The following VCP variants were observed in gnomAD, a reference collection of about 807,000 sequenced individuals.
VCP encodes transitional endoplasmic reticulum ATPase.
Under a neutral mutation model 85.7 loss-of-function variants are expected in VCP, and 6 were observed. The observed-to-expected ratio is 0.07, with a 90% CI of 0.04 to 0.14. VCP has a LOEUF of 0.14. Ranked by LOEUF, VCP falls within the 10% of genes least tolerant of loss-of-function variation. The probability of loss-of-function intolerance (pLI) is 1.00; values close to 1 mark genes in which losing one functional copy is unlikely to be tolerated. For synonymous variants in VCP, 384 were observed against 367.1 expected, an observed-to-expected ratio of 1.05 and a Z score of -0.53; for missense variants, 353 against 1,043.4, an observed-to-expected ratio of 0.34 and a Z score of 9.12.
At chr9:35,064,529 T>C (rs998515716) in intron 5 of VCP, among the ~76,000 whole-genome samples, 1 of 152,052 alleles carries the variant, frequency 6.6e-6, no homozygotes, top group South Asian at 2.1e-4. Context: ...TTAAATTAAA[T>C]TTAAAAAAGA....
In VCP at chr9:35,069,751, GCT is replaced by G. The variant is rs201413782; in HGVS notation, c.18-1391_18-1390del. 1.5e-3 allele frequency among the ~76,000 whole-genome samples: 222 copies of G among 152,234 alleles called. No individual in the cohort carries two copies. In the East Asian group the frequency reaches 0.035, roughly 24 times the overall value. On this transcript the variant is annotated intron_variant, in intron 1 of 16. Coordinates refer to ENST00000358901, the MANE Select transcript of VCP (RefSeq NM_007126.5). ...ACAGGCGTGAGCCACAGCACCCAGC[GCT>G]CTCTCTTTTTTAAGAGCGGCCTCGT...
rs767850418 is a variant in VCP, at chr9:35,059,042, T to G, written c.2160+22A>C. On this transcript the variant is annotated intron_variant, in intron 15 of 16. Transcript: ENST00000358901. This position sits in a 1 kb window ranked among gnomAD's most constrained non-coding sequence, Gnocchi z 4.9. ...CCTGGCTCTCCATGATTGGCACATC[T>G]GGGGAAAGGATGCAGACTCACCATG... 3 of 1,613,480 alleles carry G rather than the reference T, an allele frequency of 1.9e-6. No individual in the cohort carries two copies.
chr9:35,072,382 TG>T lies in VCP; in HGVS notation c.-30del. 6.8e-7 allele frequency: 1 copy of T among 1,473,504 alleles called. No individual in the cohort carries two copies. The highest frequency in any genetic ancestry group is 8.9e-7 in the Non-Finnish European group (1 of 1,118,676). 91.3% of individuals were successfully genotyped at this position (1,473,504 alleles called of 1,614,324 possible). ...GCGCGCCTCTCCCGGCCGGCGGCTG[TG>T]GCGGCCCGCGGGTAACGGCTACGAG... On this transcript the variant is annotated 5_prime_UTR_variant, in exon 1 of 17. Transcript: ENST00000358901.
intron 10 of VCP, 142 bp from the exon 11 acceptor site, chr9:35,061,321 C>T: frequency 8.1e-7 from 1 of 1,237,162 alleles, no homozygotes. Context: ...CCTTTATGGG[C>T]TGGGTTTTAA....
chr9:35,060,931 A>G lies in VCP; in HGVS notation c.1360-8T>C. The stretch of plus-strand genomic sequence containing the variant: ...ACTCTGGCTCAAGGCCCACTAGAAA[A>G]GGAGGGAAAACTGGGGATGAGACTT... On this transcript the variant is annotated splice_region_variant and splice_polypyrimidine_tract_variant and intron_variant, in intron 11 of 16. Coordinates refer to ENST00000358901, the MANE Select transcript of VCP (RefSeq NM_007126.5). 1.2e-6 allele frequency: 2 copies of G among 1,614,160 alleles called. No individual in the cohort carries two copies. The highest frequency in any genetic ancestry group is 2.2e-5 in the East Asian group (1 of 44,876).
Position 35,062,007 on chromosome 9 carries a change from T to C in VCP, c.1077A>G (p.Arg359=), listed in dbSNP as rs767846588. The change falls in exon 9 of 17, where the codon CGA becomes CGG. Residue 359 remains arginine, a synonymous_variant. Coordinates refer to ENST00000358901, the MANE Select transcript of VCP (RefSeq NM_007126.5). ...AAAAGTATCTGGAGTCCTTACCAAA[T>C]CGCCGTAGAGCTGGGTCAATGCTGT... ...RPNSIDPALR[R]FGRFDREVDI... 4.3e-6 allele frequency: 7 copies of C among 1,614,138 alleles called. No individual in the cohort carries two copies. The highest frequency in any genetic ancestry group is 5.9e-6 in the Non-Finnish European group (7 of 1,180,022).
At chr9:35,058,578 T>C (rs893366611) in intron 15 of VCP, among the ~76,000 whole-genome samples, 3 of 151,992 alleles carry the variant, frequency 2.0e-5, no homozygotes, top group Non-Finnish European at 2.9e-5. Flanking sequence ...CTGGCTAACG[T>C]GGTGAAACCA....
At chr9:35,060,556 T>A in intron 12 of VCP, 31 bp from the exon 13 acceptor site, 1 of 1,606,762 alleles carries the variant, frequency 6.2e-7, no homozygotes, top group Non-Finnish European at 8.5e-7. Context: ...GGTTCAAGGC[T>A]ACCTCCACAT....
At position 35,072,473 on chromosome 9, in the gene VCP, A is replaced by C. The variant is rs1828980074; in HGVS notation, c.-120T>G. 6.8e-5 allele frequency: 88 copies of C among 1,286,842 alleles called. 2 individuals are homozygous for C. The South Asian group carries it at 1.5e-3, about 22-fold the overall frequency. 79.7% of individuals were successfully genotyped at this position (1,286,842 alleles called of 1,614,324 possible). On this transcript the variant is annotated 5_prime_UTR_variant, in exon 1 of 17. Transcript: ENST00000358901. ...CAGGCGGTGGGCGAGCAGCGGCGAC[A>C]AACCCGCAAGCGGCTTCCCTCTCGC...
At chr9:35,058,835 TCC>T (rs1374302417) in intron 15 of VCP, among the ~76,000 whole-genome samples, 1 of 152,208 alleles carries the variant, frequency 6.6e-6, no homozygotes, top group African/African-American at 2.4e-5. Flanking sequence ...TACTTTGATT[TCC>T]CTCATGGAGC....
Position 35,072,564 on chromosome 9 carries a change from G to C in VCP, c.-211C>G. On this transcript the variant is annotated 5_prime_UTR_variant, in exon 1 of 17. Coordinates refer to ENST00000358901, the MANE Select transcript of VCP (RefSeq NM_007126.5). ...GCTCCTGATCCGCGAGGTGGCAGTG[G>C]CAGTGGCAGCGGCAGCGGCAGCGAC... 2 of 544,992 alleles carry C rather than the reference G, an allele frequency of 3.7e-6. No homozygotes were observed. The allele number at this position is 544,992 out of a possible 1,614,324, so 33.8% of individuals were successfully genotyped here. A position where few individuals can be genotyped will look rare whatever the true frequency, so the allele number is the denominator to read the frequency against.
At position 35,056,946 on chromosome 9, in the gene VCP, T is replaced by C. The variant is rs1486495864; in HGVS notation, c.*171A>G. Reference sequence around the variant, plus strand: ...CTTTTATTTTATCGCTTTTGTTTTGTATTTTTGCAACAGAAACCCCCTGTC... The same window carrying C: ...CTTTTATTTTATCGCTTTTGTTTTGCATTTTTGCAACAGAAACCCCCTGTC... On this transcript the variant is annotated 3_prime_UTR_variant, in exon 17 of 17. Coordinates refer to ENST00000358901, the MANE Select transcript of VCP (RefSeq NM_007126.5). 4.4e-6 allele frequency: 3 copies of C among 686,108 alleles called. No individual in the cohort carries two copies. In the East Asian group the frequency reaches 8.2e-5, roughly 19 times the overall value. The allele number at this position is 686,108 out of a possible 1,614,324, so 42.5% of individuals were successfully genotyped here.
At position 35,064,143 on chromosome 9, in the gene VCP, A is replaced by G. The variant is rs1335395070; in HGVS notation, c.708+11T>C. 1.2e-6 allele frequency: 2 copies of G among 1,614,056 alleles called. No homozygotes were observed. The highest frequency in any genetic ancestry group is 1.7e-6 in the Non-Finnish European group (2 of 1,180,020). On this transcript the variant is annotated intron_variant, in intron 6 of 16. Transcript: ENST00000358901. ...CACTTTAGACTTGATTCCAGAGCCC[A>G]GGATGCTCACCTTCACACCAATTGC... is the stretch of plus-strand genomic sequence containing the variant.
chr9:35,061,401 C>T (rs1160095896), intron 10 of VCP, among the ~76,000 whole-genome samples, 176 bp downstream of exon 10: 1 of 152,194 alleles, frequency 6.6e-6, no homozygotes, highest in African/African-American at 2.4e-5. Flanking sequence ...CTAAATGCAG[C>T]GTCAACTATG....
intron 1 of VCP, among the ~76,000 whole-genome samples, chr9:35,068,756 T>C (rs1019600262): frequency 3.3e-5 from 5 of 152,188 alleles, no homozygotes; most frequent in African/African-American, 1.2e-4. Flanking sequence ...GGGTCTGAAT[T>C]CCAATTATGC....
chr9:35,063,334 G>A (rs1042840992), intron 6 of VCP, among the ~76,000 whole-genome samples: 4 of 152,184 alleles, frequency 2.6e-5, no homozygotes, highest in African/African-American at 9.7e-5. Context: ...CAGAGAAACT[G>A]TAGTCCAAAT....
chr9:35,070,754 C>G (rs1276245225), intron 1 of VCP, among the ~76,000 whole-genome samples: 1 of 152,186 alleles, frequency 6.6e-6, no homozygotes. Flanking sequence ...GTATTTTAAT[C>G]TCAAAGCTGT....
chr9:35,071,626 T>C (rs1393061343), intron 1 of VCP: 1 of 835,110 alleles, frequency 1.2e-6, no homozygotes, highest in African/African-American at 1.8e-5. Flanking sequence ...AGTCATAACA[T>C]TAAGGAAAAC....
At chr9:35,058,577 G>A (rs1052787506) in intron 15 of VCP, among the ~76,000 whole-genome samples, 3 of 151,988 alleles carry the variant, frequency 2.0e-5, no homozygotes, top group Non-Finnish European at 2.9e-5. Context: ...CCTGGCTAAC[G>A]TGGTGAAACC....
Sources: allele counts gnomAD v4.1 joint callset (sites outside exome capture counted in the v4.1 genomes callset), GRCh38; gene constraint gnomAD v4.1.1; non-coding constraint Gnocchi (gnomAD v3.1); transcripts MANE v1.5; gene names NCBI Gene and HGNC (gene_info 2026-07-23, HGNC 2026-07-21).